Variants in STK4 observed in about 807,000 individuals in gnomAD.
STK4 encodes serine/threonine kinase 4.
STK4 carries 30 observed loss-of-function variants against 64.9 expected under a neutral mutation model. The ratio of observed to expected loss-of-function variants is 0.46; its 90% CI spans 0.35 to 0.63. The LOEUF is 0.63. Ranked by LOEUF, STK4 falls within the 20% of genes least tolerant of loss-of-function variation. The pLI, the probability that STK4 is intolerant of heterozygous loss-of-function variation, is 0.01. For missense variants in STK4, 466 were observed against 598.5 expected, an observed-to-expected ratio of 0.78 and a Z score of 2.31; for synonymous variants, 177 against 199.0, an observed-to-expected ratio of 0.89 and a Z score of 0.93.
At chr20:45,054,358 G>GT (rs1978317913) in intron 10 of STK4, among the ~76,000 whole-genome samples, 1 of 152,132 alleles carries the variant, frequency 6.6e-6, no homozygotes, top group South Asian at 2.1e-4. Flanking sequence ...GAGCCCAGGA[G>GT]TTTGAGACCA....
At chr20:45,068,554 G>A (rs1246564328) in intron 10 of STK4, among the ~76,000 whole-genome samples, 1 of 152,156 alleles carries the variant, frequency 6.6e-6, no homozygotes, top group African/African-American at 2.4e-5. Context: ...TGGCATTTCT[G>A]AATGTGAGGG....
At chr20:44,978,190 A>C (rs1346453404) in intron 2 of STK4, among the ~76,000 whole-genome samples, 1 of 151,362 alleles carries the variant, frequency 6.6e-6, no homozygotes, top group Non-Finnish European at 1.5e-5. Flanking sequence ...AGTGCATGGC[A>C]GCTACTATAT....
At chr20:45,062,103 T>C (rs1219858632) in intron 10 of STK4, among the ~76,000 whole-genome samples, 2 of 152,026 alleles carry the variant, frequency 1.3e-5, no homozygotes, top group African/African-American at 4.8e-5. Context: ...TGGTCTGAAA[T>C]TCCTGACCTC....
intron 9 of STK4, among the ~76,000 whole-genome samples, chr20:45,012,612 A>T (rs1193937409): frequency 6.6e-6 from 1 of 152,100 alleles, no homozygotes; most frequent in Non-Finnish European, 1.5e-5. Flanking sequence ...TAGTTTAAAA[A>T]ACTTTTGTTT....
At chr20:45,055,591 T>C (rs912660417) in intron 10 of STK4, among the ~76,000 whole-genome samples, 5 of 152,186 alleles carry the variant, frequency 3.3e-5, no homozygotes, top group African/African-American at 1.2e-4. Flanking sequence ...ACATTAACTT[T>C]TGAATTCATT....
rs1206107298 is a variant in STK4, at chr20:44,997,193, C to A, written c.718C>A (p.Pro240Thr). ...GGCAATCTTCATGATTCCTACAAAT[C>A]CTCCTCCCACATTCCGAAAACCAGA... Reference protein sequence around the residue: ...MRAIFMIPTNPPPTFRKPELW... With the variant: ...MRAIFMIPTNTPPTFRKPELW... The change falls in exon 7 of 11, where the codon CCT (proline) becomes ACT (threonine). Residue 240 changes from proline (P) to threonine (T), a missense_variant. This residue lies in a region of STK4 where 276 missense variants were observed against 308.9 expected (regional missense o/e 0.89). Coordinates refer to ENST00000372806, the MANE Select transcript of STK4 (RefSeq NM_006282.5). The A allele has an allele frequency of 2.4e-5, 39 of 1,613,806 alleles. No homozygotes were observed. The highest frequency in any genetic ancestry group is 3.1e-5 in the Non-Finnish European group (37 of 1,179,868).
Position 44,985,436 on chromosome 20 carries a change from C to T in STK4, c.361-1696C>T, listed in dbSNP as rs372985285. 4.6e-5 allele frequency among the ~76,000 whole-genome samples: 7 copies of T among 151,958 alleles called. No homozygotes were observed. The East Asian group carries it at 7.8e-4, about 17-fold the overall frequency. On this transcript the variant is annotated intron_variant, in intron 4 of 10. Coordinates refer to ENST00000372806, the MANE Select transcript of STK4 (RefSeq NM_006282.5). ...TCAGCTCACTGCAATCTCCGCCTCC[C>T]GGGTTCAAGTGATTCTCCTGCTTCA...
At chr20:45,016,015 T>C (rs1390153473) in intron 9 of STK4, among the ~76,000 whole-genome samples, 1 of 152,238 alleles carries the variant, frequency 6.6e-6, no homozygotes, top group African/African-American at 2.4e-5. Flanking sequence ...GTATTGATGA[T>C]GTTTTGTAGG....
intron 1 of STK4, among the ~76,000 whole-genome samples, chr20:44,969,590 A>G (rs1008432717): frequency 1.3e-5 from 2 of 152,178 alleles, no homozygotes; most frequent in South Asian, 2.1e-4. Context: ...CATTAGATTA[A>G]TGTTATAGTG....
At chr20:45,033,604 T>G (rs2068480601) in intron 10 of STK4, among the ~76,000 whole-genome samples, 1 of 152,122 alleles carries the variant, frequency 6.6e-6, no homozygotes, top group African/African-American at 2.4e-5. Flanking sequence ...TGAGACAGAG[T>G]CTTGCTCTGT....
intron 5 of STK4, among the ~76,000 whole-genome samples, chr20:44,993,312 A>G (rs930338656): frequency 5.9e-5 from 9 of 152,032 alleles, no homozygotes; most frequent in African/African-American, 2.2e-4. Flanking sequence ...TATATTTTTT[A>G]TTGCTATGCT....
At chr20:45,030,910 AC>A (rs2068431748) in intron 10 of STK4, among the ~76,000 whole-genome samples, 1 of 152,078 alleles carries the variant, frequency 6.6e-6, no homozygotes, top group South Asian at 2.1e-4. Context: ...GTTTAAGATG[AC>A]CCAGGCTGGG....
chr20:45,000,690 T>C (rs1249743953), intron 8 of STK4, 170 bp downstream of exon 8: 4 of 930,698 alleles, frequency 4.3e-6, no homozygotes, highest in Non-Finnish European at 6.3e-6. Context: ...GTTGTATCTG[T>C]GCTTATTCTT....
chr20:44,971,964 G>T (rs1233332619), intron 1 of STK4, 114 bp from the exon 2 acceptor site: 16 of 967,938 alleles, frequency 1.7e-5, no homozygotes, highest in Non-Finnish European at 2.5e-5. Context: ...GTCTTAACTA[G>T]TGAAGTCTGT....
chr20:45,025,280 A>T (rs1392067267), intron 10 of STK4, 150 bp downstream of exon 10: 39 of 868,762 alleles, frequency 4.5e-5, no homozygotes, highest in Non-Finnish European at 5.9e-5. Context: ...ATTTTGACTG[A>T]TGTTTGGGCA....
rs1366640374 is a variant in STK4, at chr20:45,077,727, A to G, written c.*2551A>G. The G allele has an allele frequency of 6.6e-6, 1 of 152,188 alleles. No individual in the cohort carries two copies. Among genetic ancestry groups the G allele is most frequent in the African/African-American group, 2.4e-5 (1 of 41,440 alleles). The allele number at this position is 152,188 out of a possible 1,614,324, so 9.4% of individuals were successfully genotyped here. A position where few individuals can be genotyped will look rare whatever the true frequency, so the allele number is the denominator to read the frequency against. On this transcript the variant is annotated 3_prime_UTR_variant, in exon 11 of 11. Coordinates refer to ENST00000372806, the MANE Select transcript of STK4 (RefSeq NM_006282.5). The stretch of plus-strand genomic sequence containing the variant: ...AACAAAGAACTTTGCACTTGGCCAG[A>G]GAGGAGGAGAAAGCCCATTTTCTCC...
intron 9 of STK4, among the ~76,000 whole-genome samples, chr20:45,002,485 A>G (rs993047905): frequency 5.3e-5 from 8 of 152,236 alleles, no homozygotes; most frequent in African/African-American, 1.9e-4. Context: ...TCTGAGTAAC[A>G]TTAAATACAA....
intron 5 of STK4, among the ~76,000 whole-genome samples, chr20:44,994,389 T>C (rs2067690557): frequency 6.6e-6 from 1 of 151,896 alleles, no homozygotes; most frequent in Non-Finnish European, 1.5e-5. Flanking sequence ...TATTTTCCTT[T>C]TACAAAAACA....
chr20:44,978,060 A>G (rs780052343), intron 2 of STK4, among the ~76,000 whole-genome samples: 7 of 152,220 alleles, frequency 4.6e-5, no homozygotes, highest in Non-Finnish European at 5.9e-5. Context: ...CCTTGGGCAA[A>G]TCATAAACCC....
Sources: allele counts gnomAD v4.1 joint callset (sites outside exome capture counted in the v4.1 genomes callset), GRCh38; gene constraint gnomAD v4.1.1; regional missense constraint gnomAD v4.1.1; transcripts MANE v1.5; gene names NCBI Gene and HGNC (gene_info 2026-07-23, HGNC 2026-07-21).